The following C3orf70 variants were observed in gnomAD, a reference collection of about 807,000 sequenced individuals.
C3orf70 encodes the protein UPF0524 protein C3orf70.
Under a neutral mutation model 20.7 loss-of-function variants are expected in C3orf70, and 15 were observed. The observed-to-expected ratio is 0.72, with a 90% CI of 0.48 to 1.11. The LOEUF (loss-of-function observed/expected upper bound fraction) is 1.11. Ranked by LOEUF, C3orf70 falls within the 50% of genes most tolerant of loss-of-function variation. The probability of loss-of-function intolerance (pLI) is 0.00; values close to 1 mark genes in which losing one functional copy is unlikely to be tolerated. For missense variants in C3orf70, 332 were observed against 317.6 expected, an observed-to-expected ratio of 1.05 and a Z score of -0.34; for synonymous variants, 161 against 125.7, an observed-to-expected ratio of 1.28 and a Z score of -1.88.
chr3:185,137,446 G>T (rs1299452157), intron 1 of C3orf70, among the ~76,000 whole-genome samples: 1 of 152,116 alleles, frequency 6.6e-6, no homozygotes, highest in African/African-American at 2.4e-5. Context: ...CAATAAACAG[G>T]ATCTAAAAGA....
At chr3:185,134,851 G>A (rs778838542) in intron 1 of C3orf70, among the ~76,000 whole-genome samples, 1 of 152,060 alleles carries the variant, frequency 6.6e-6, no homozygotes, top group Non-Finnish European at 1.5e-5. Flanking sequence ...CCCCATGGTG[G>A]TATCAGTGGA....
At position 185,082,826 on chromosome 3, in the gene C3orf70, AAG is replaced by A. The variant is rs1715372706; in HGVS notation, c.*179_*180del. ...ACAAAAGAAAACTGTTTATAATAAA[AAG>A]AATGTCTTAGTTGTAAGACGGAGAG... On this transcript the variant is annotated 3_prime_UTR_variant, in exon 2 of 2. Transcript: ENST00000335012. The A allele has an allele frequency of 3.2e-6, 2 of 615,976 alleles. No homozygotes were observed. The highest frequency in any genetic ancestry group is 1.8e-5 in the African/African-American group (1 of 54,542). The allele number at this position is 615,976 out of a possible 1,614,324, so 38.2% of individuals were successfully genotyped here. A position where few individuals can be genotyped will look rare whatever the true frequency, so the allele number is the denominator to read the frequency against.
At chr3:185,135,813 A>G (rs1432293861) in intron 1 of C3orf70, among the ~76,000 whole-genome samples, 1 of 152,238 alleles carries the variant, frequency 6.6e-6, no homozygotes, top group Non-Finnish European at 1.5e-5. Context: ...TTAAAGAGAT[A>G]CACAAAGAAG....
At chr3:185,091,876 AT>A (rs1156480314) in intron 1 of C3orf70, among the ~76,000 whole-genome samples, 6 of 130,226 alleles carry the variant, frequency 4.6e-5, no homozygotes, top group Admixed American at 7.9e-5. Flanking sequence ...ATATATATAT[AT>A]ATAATATATA....
At chr3:185,150,744 G>C (rs534647499) in intron 1 of C3orf70, among the ~76,000 whole-genome samples, 35 of 152,234 alleles carry the variant, frequency 2.3e-4, no homozygotes, top group African/African-American at 8.4e-4. Flanking sequence ...CCTTTCTAGG[G>C]GCCACAGTCT....
At chr3:185,126,347 G>A (rs1412429144) in intron 1 of C3orf70, among the ~76,000 whole-genome samples, 1 of 152,164 alleles carries the variant, frequency 6.6e-6, no homozygotes, top group Non-Finnish European at 1.5e-5. Flanking sequence ...ATAGCCTAGA[G>A]AAGTTGTTGC....
intron 1 of C3orf70, among the ~76,000 whole-genome samples, chr3:185,121,550 C>G (rs543307432): frequency 6.6e-6 from 1 of 151,992 alleles, no homozygotes; most frequent in Non-Finnish European, 1.5e-5. Context: ...GAACACTCAA[C>G]GCAGAGACAA....
At position 185,152,618 on chromosome 3, in the gene C3orf70, C is replaced by T. The variant is rs754860392; in HGVS notation, c.196+10G>A. On this transcript the variant is annotated intron_variant, in intron 1 of 1. Coordinates refer to ENST00000335012, the MANE Select transcript of C3orf70 (RefSeq NM_001025266.3). ...CGCGGCGGAAGGCGGGAAGACGCGG[C>T]TCGACTTACAGTGACACCATCCTAG... 29 of 1,545,894 alleles carry T rather than the reference C, an allele frequency of 1.9e-5. No homozygotes were observed. In the Admixed American group the frequency reaches 5.5e-4, roughly 29 times the overall value.
At chr3:185,120,412 A>C (rs1286852597) in intron 1 of C3orf70, among the ~76,000 whole-genome samples, 1 of 152,188 alleles carries the variant, frequency 6.6e-6, no homozygotes, top group East Asian at 1.9e-4. Flanking sequence ...GCAAATAAAG[A>C]AAGATGAAAA....
intron 1 of C3orf70, among the ~76,000 whole-genome samples, chr3:185,099,165 T>C (rs1050087962): frequency 2.0e-5 from 3 of 152,152 alleles, no homozygotes; most frequent in African/African-American, 4.8e-5. Flanking sequence ...CAGGATATCA[T>C]CCGGGAGAAC....
At chr3:185,115,928 G>T (rs1234060730) in intron 1 of C3orf70, among the ~76,000 whole-genome samples, 4 of 152,108 alleles carry the variant, frequency 2.6e-5, no homozygotes, top group African/African-American at 9.7e-5. Context: ...CCTCCCAAAG[G>T]TCTCACCGCT....
At chr3:185,124,657 G>A (rs528236542) in intron 1 of C3orf70, among the ~76,000 whole-genome samples, 1 of 152,048 alleles carries the variant, frequency 6.6e-6, no homozygotes, top group Admixed American at 6.5e-5. Context: ...AACACGAAAA[G>A]CATAAACCGT....
intron 1 of C3orf70, among the ~76,000 whole-genome samples, chr3:185,141,289 C>T (rs1010503980): frequency 6.6e-6 from 1 of 151,924 alleles, no homozygotes; most frequent in Admixed American, 6.6e-5. Context: ...AGAGGCTAGG[C>T]CAGTCATACA....
chr3:185,135,943 G>A (rs1716614415), intron 1 of C3orf70, among the ~76,000 whole-genome samples: 1 of 151,892 alleles, frequency 6.6e-6, no homozygotes, highest in South Asian at 2.1e-4. Context: ...AATATAAAAT[G>A]GCAGACATAA....
chr3:185,150,388 T>C (rs1197360872), intron 1 of C3orf70, among the ~76,000 whole-genome samples: 1 of 152,150 alleles, frequency 6.6e-6, no homozygotes, highest in Non-Finnish European at 1.5e-5. Flanking sequence ...TATAAATATA[T>C]TAAGAAAGAG....
chr3:185,095,847 C>T (rs1187372764), intron 1 of C3orf70, among the ~76,000 whole-genome samples: 1 of 151,832 alleles, frequency 6.6e-6, no homozygotes, highest in African/African-American at 2.4e-5. Context: ...AGCAATTCCC[C>T]TACCTCAGCC....
chr3:185,123,284 C>CT (rs3072375), intron 1 of C3orf70, among the ~76,000 whole-genome samples: 141 of 151,450 alleles, frequency 9.3e-4, no homozygotes, highest in African/African-American at 3.4e-3. Flanking sequence ...AAAAAAAGTC[C>CT]TTTTTTTACA....
intron 1 of C3orf70, among the ~76,000 whole-genome samples, chr3:185,128,677 G>C (rs1716464138): frequency 6.6e-6 from 1 of 152,096 alleles, no homozygotes; most frequent in Non-Finnish European, 1.5e-5. Context: ...TGATAATGTT[G>C]ACAATTTCTT....
intron 1 of C3orf70, among the ~76,000 whole-genome samples, chr3:185,143,813 T>A (rs1213967751): frequency 6.6e-6 from 1 of 152,194 alleles, no homozygotes; most frequent in Non-Finnish European, 1.5e-5. Context: ...GGATGAGCTC[T>A]ATAATACTTG....
Sources: gnomAD v4.1 joint callset for allele counts (sites outside exome capture counted in the v4.1 genomes callset) on GRCh38, gnomAD v4.1.1 for gene constraint, MANE v1.5 for transcripts, NCBI Gene and HGNC (gene_info 2026-07-23, HGNC 2026-07-21) for gene names.